Variants in CACNA2D1 observed in about 807,000 individuals in gnomAD.
CACNA2D1 encodes voltage-dependent calcium channel subunit alpha-2/delta-1.
CACNA2D1 carries 53 observed loss-of-function variants against 171.5 expected under a neutral mutation model. The observed-to-expected ratio is 0.31, with a 90% CI of 0.25 to 0.39. The LOEUF (loss-of-function observed/expected upper bound fraction) is 0.39. Ranked by LOEUF, CACNA2D1 falls within the 10% of genes least tolerant of loss-of-function variation. The probability of loss-of-function intolerance (pLI) is 1.00; values close to 1 mark genes in which losing one functional copy is unlikely to be tolerated. For missense variants in CACNA2D1, 903 were observed against 1,299.8 expected (o/e 0.69, Z 4.69); for synonymous variants, 442 against 443.1 (o/e 1.00, Z 0.03).
At chr7:82,410,040 C>T (rs546811731) in intron 1 of CACNA2D1, among the ~76,000 whole-genome samples, 1 of 152,290 alleles carries the variant, frequency 6.6e-6, no homozygotes, top group African/African-American at 2.4e-5. Context: ...ATTATAATCT[C>T]ATGGGACCAC....
intron 1 of CACNA2D1, among the ~76,000 whole-genome samples, chr7:82,354,858 G>C (rs1006375535): frequency 1.3e-4 from 19 of 151,736 alleles, no homozygotes; most frequent in Admixed American, 1.1e-3. Context: ...AAGGCAAGTT[G>C]AAAGTCCTGA....
chr7:82,394,506 A>G (rs1255406106), intron 1 of CACNA2D1, among the ~76,000 whole-genome samples: 2 of 152,212 alleles, frequency 1.3e-5, no homozygotes, highest in African/African-American at 2.4e-5. Flanking sequence ...CAGCCAGGTT[A>G]TCAACAGCCA....
intron 3 of CACNA2D1, among the ~76,000 whole-genome samples, chr7:82,313,446 T>A (rs1029616456): frequency 4.6e-5 from 7 of 152,206 alleles, no homozygotes; most frequent in Admixed American, 1.3e-4. Context: ...CCTACTTATC[T>A]GCAGATCTCA....
chr7:82,257,959 A>G (rs562722082), intron 3 of CACNA2D1, among the ~76,000 whole-genome samples: 1 of 152,344 alleles, frequency 6.6e-6, no homozygotes, highest in East Asian at 1.9e-4. Flanking sequence ...GGAAGAGAAT[A>G]GAAATAAAAT....
At chr7:82,007,092 A>C in intron 16 of CACNA2D1, among the ~76,000 whole-genome samples, 1 of 152,176 alleles carries the variant, frequency 6.6e-6, no homozygotes. Flanking sequence ...AATAATTTTT[A>C]GAACTTTTAA....
chr7:82,402,705 C>CAAAAAAAAAAAAAAAAAA, intron 1 of CACNA2D1, among the ~76,000 whole-genome samples: 1 of 64,822 alleles, frequency 1.5e-5, no homozygotes, highest in Non-Finnish European at 2.8e-5. Flanking sequence ...GACTCTGTCT[C>CAAAAAAAAAAAAAAAAAA]AAAAAAAAAA....
chr7:82,014,385 A>C lies in CACNA2D1; in HGVS notation c.1222+16T>G. The C allele has an allele frequency of 1.4e-6, 2 of 1,401,714 alleles. No individual in the cohort carries two copies. Among genetic ancestry groups the C allele is most frequent in the Non-Finnish European group, 2.0e-6 (2 of 986,462 alleles). 86.8% of individuals were successfully genotyped at this position (1,401,714 alleles called of 1,614,324 possible). A position where few individuals can be genotyped will look rare whatever the true frequency, so the allele number is the denominator to read the frequency against. ...AGTTTTTCTTCTAATTTATTAGAAG[A>C]AAACAGATTTGTTACCTTTGTTTTC... On this transcript the variant is annotated intron_variant, in intron 13 of 38. Transcript: ENST00000356860.
chr7:82,059,947 G>A (rs1806412420), intron 10 of CACNA2D1, among the ~76,000 whole-genome samples: 1 of 90,814 alleles, frequency 1.1e-5, no homozygotes, highest in Non-Finnish European at 2.1e-5. Flanking sequence ...ATTGAACAAT[G>A]AGATCACATG....
intron 3 of CACNA2D1, among the ~76,000 whole-genome samples, chr7:82,196,873 T>C (rs1798909050): frequency 6.6e-6 from 1 of 151,588 alleles, no homozygotes; most frequent in South Asian, 2.1e-4. Context: ...AAAGAGGATA[T>C]GGTAGAGTGG....
intron 15 of CACNA2D1, among the ~76,000 whole-genome samples, chr7:82,008,173 C>T (rs1799338829): frequency 6.6e-6 from 1 of 151,900 alleles, no homozygotes; most frequent in Non-Finnish European, 1.5e-5. Flanking sequence ...CTTTTTGTAG[C>T]CTTATTCTTT....
intron 38 of CACNA2D1, among the ~76,000 whole-genome samples, chr7:81,955,498 C>G (rs2130050755): frequency 6.6e-6 from 1 of 152,086 alleles, no homozygotes; most frequent in East Asian, 1.9e-4. Flanking sequence ...CTGTTCTATA[C>G]AGATAACTGT....
intron 3 of CACNA2D1, among the ~76,000 whole-genome samples, chr7:82,265,616 AC>A (rs1807743097): frequency 6.6e-6 from 1 of 151,732 alleles, no homozygotes; most frequent in Non-Finnish European, 1.5e-5. Flanking sequence ...CTGAATAACT[AC>A]CTTTTACAGC....
intron 3 of CACNA2D1, among the ~76,000 whole-genome samples, chr7:82,223,509 A>T (rs1258777786): frequency 6.6e-6 from 1 of 152,204 alleles, no homozygotes; most frequent in African/African-American, 2.4e-5. Context: ...AGCAGGAAAG[A>T]CAGAGAGCAT....
chr7:82,044,024 G>T (rs1804255331), intron 10 of CACNA2D1, among the ~76,000 whole-genome samples: 1 of 152,100 alleles, frequency 6.6e-6, no homozygotes, highest in African/African-American at 2.4e-5. Context: ...TTTATTATTT[G>T]CCCACTCAAC....
chr7:82,433,356 A>G (rs1829869545), intron 1 of CACNA2D1, among the ~76,000 whole-genome samples: 3 of 152,198 alleles, frequency 2.0e-5, no homozygotes. Context: ...TACCACTGAA[A>G]GAAAAACTCT....
Position 82,099,474 on chromosome 7 carries a change from G to T in CACNA2D1, c.527-14574C>A, listed in dbSNP as rs1455332433. On this transcript the variant is annotated intron_variant, in intron 6 of 38. Coordinates refer to ENST00000356860, the MANE Select transcript of CACNA2D1 (RefSeq NM_000722.4). The stretch of plus-strand genomic sequence containing the variant: ...TTTTTTTTTTTTTTTTTTTGAGACG[G>T]AGTCTCGCTCTGTCGCCCAGGCTGG... Among the ~76,000 whole-genome samples the T allele has an allele frequency of 2.1e-4, 4 of 19,114 alleles. 1 individual carries two copies. The highest frequency in any genetic ancestry group is 6.5e-4 in the African/African-American group (4 of 6,130). 12.5% of individuals were successfully genotyped at this position (19,114 alleles called of 152,430 possible).
intron 6 of CACNA2D1, among the ~76,000 whole-genome samples, chr7:82,107,988 G>A (rs1787953014): frequency 6.6e-6 from 1 of 151,898 alleles, no homozygotes; most frequent in Non-Finnish European, 1.5e-5. Flanking sequence ...CCTTATCCAG[G>A]GTCACTCACT....
intron 10 of CACNA2D1, among the ~76,000 whole-genome samples, chr7:82,047,268 G>A (rs1804664231): frequency 1.3e-5 from 2 of 152,088 alleles, no homozygotes; most frequent in Admixed American, 1.3e-4. Flanking sequence ...GCCAGCTCCT[G>A]AAGACAAAAC....
At chr7:82,222,911 TG>T (rs774643091) in intron 3 of CACNA2D1, among the ~76,000 whole-genome samples, 133 of 148,314 alleles carry the variant, frequency 9.0e-4, no homozygotes, top group East Asian at 2.8e-3. Context: ...TTTTTTTTTT[TG>T]TTTGTTTGTT....
Sources: allele counts gnomAD v4.1 joint callset (sites outside exome capture counted in the v4.1 genomes callset), GRCh38; gene constraint gnomAD v4.1.1; transcripts MANE v1.5; gene names NCBI Gene and HGNC (gene_info 2026-07-23, HGNC 2026-07-21).